Variants in EVI5 observed in about 807,000 individuals in gnomAD.
The protein encoded by EVI5 is ecotropic viral integration site 5 protein homolog.
A neutral mutation model predicts 112.0 loss-of-function variants in EVI5; 73 were observed. That is an observed-to-expected ratio of 0.65 (90% CI 0.54 to 0.79). The LOEUF (loss-of-function observed/expected upper bound fraction) is 0.79, where lower values mean the gene tolerates loss of function less well. Ranked by LOEUF, EVI5 falls within the 30% of genes least tolerant of loss-of-function variation. The pLI is 0.00. For synonymous variants in EVI5, 305 were observed against 319.9 expected (o/e 0.95, Z 0.50); for missense variants, 900 against 968.8 (o/e 0.93, Z 0.94).
intron 1 of EVI5, chr1:92,784,400 G>A: frequency 1.0e-6 from 1 of 985,330 alleles, no homozygotes; most frequent in Non-Finnish European, 1.2e-6. Flanking sequence ...GCAGAATCCC[G>A]GAGGCCAAGT....
chr1:92,777,909 CTTTT>C (rs11306355), intron 1 of EVI5, among the ~76,000 whole-genome samples: 10 of 110,334 alleles, frequency 9.1e-5, no homozygotes, highest in Admixed American at 1.9e-4. Context: ...ATGCCAAAAT[CTTTT>C]TTTTTTTTTT....
intron 8 of EVI5, 26 bp from the exon 9 acceptor site, chr1:92,693,925 TAAG>T (rs1490286534): frequency 7.7e-7 from 1 of 1,298,886 alleles, no homozygotes; most frequent in Non-Finnish European, 1.1e-6. Context: ...AAAAAAAACA[TAAG>T]AATGACTTAG....
chr1:92,573,144 A>G (rs1389233209), intron 18 of EVI5, among the ~76,000 whole-genome samples: 1 of 152,104 alleles, frequency 6.6e-6, no homozygotes. Context: ...TATTTAAAAC[A>G]GTGATCCCCA....
At chr1:92,640,510 A>G (rs546223129) in intron 13 of EVI5, among the ~76,000 whole-genome samples, 2 of 152,286 alleles carry the variant, frequency 1.3e-5, no homozygotes, top group Admixed American at 6.5e-5. Flanking sequence ...AAAAAGCTCA[A>G]CATCACTGAT....
At chr1:92,702,884 C>T (rs1181566272) in intron 4 of EVI5, among the ~76,000 whole-genome samples, 2 of 151,056 alleles carry the variant, frequency 1.3e-5, no homozygotes, top group Non-Finnish European at 2.9e-5. Flanking sequence ...AAAGGATTGG[C>T]GAAATTGAAA....
At chr1:92,722,272 TCTAA>T (rs1447007062) in intron 2 of EVI5, among the ~76,000 whole-genome samples, 9 of 152,162 alleles carry the variant, frequency 5.9e-5, no homozygotes, top group South Asian at 4.1e-4. Context: ...ATTCCTCTTA[TCTAA>T]CTGATATTTC....
intron 19 of EVI5, among the ~76,000 whole-genome samples, chr1:92,559,016 G>A (rs950598788): frequency 6.6e-6 from 1 of 152,184 alleles, no homozygotes; most frequent in East Asian, 1.9e-4. Flanking sequence ...GATGTCCCAA[G>A]GATACTAAAA....
Position 92,532,895 on chromosome 1 carries a change from C to T in EVI5, c.2167-18925G>A, listed in dbSNP as rs1663118378. Among the ~76,000 whole-genome samples, 2 of 151,136 alleles carry T rather than the reference C, an allele frequency of 1.3e-5. 1 individual carries two copies. Among genetic ancestry groups the T allele is most frequent in the South Asian group, 4.2e-4 (2 of 4,780 alleles). Reference sequence around the variant, plus strand: ...AAAGAACTAGAGAAGCAGGAGCAAACAAATTCAAAAGCTAGCAGAAGGCAA... The same window carrying T: ...AAAGAACTAGAGAAGCAGGAGCAAATAAATTCAAAAGCTAGCAGAAGGCAA... On this transcript the variant is annotated intron_variant, in intron 19 of 19. Coordinates refer to ENST00000684568, the MANE Select transcript of EVI5 (RefSeq NM_001350197.2).
intron 14 of EVI5, among the ~76,000 whole-genome samples, chr1:92,628,060 T>C (rs958374774): frequency 1.4e-4 from 22 of 152,210 alleles, no homozygotes; most frequent in African/African-American, 5.1e-4. Context: ...AGGGCTGGGA[T>C]TACAGGCGTG....
At chr1:92,540,987 T>A (rs182468941) in intron 19 of EVI5, among the ~76,000 whole-genome samples, 1 of 152,242 alleles carries the variant, frequency 6.6e-6, no homozygotes, top group Admixed American at 6.5e-5. Flanking sequence ...GGCAGGAGAA[T>A]TGCTTGGCCC....
intron 4 of EVI5, 49 bp downstream of exon 4, chr1:92,703,346 A>G: frequency 8.9e-7 from 1 of 1,118,818 alleles, no homozygotes; most frequent in Non-Finnish European, 1.3e-6. Flanking sequence ...TATAATTTCA[A>G]CCTTCCAGGA....
At chr1:92,762,381 T>A (rs1450014502) in intron 1 of EVI5, among the ~76,000 whole-genome samples, 1 of 152,208 alleles carries the variant, frequency 6.6e-6, no homozygotes, top group Non-Finnish European at 1.5e-5. Context: ...CATTATCTTA[T>A]TTAATCTTCA....
intron 2 of EVI5, among the ~76,000 whole-genome samples, chr1:92,726,475 T>A (rs980989201): frequency 3.3e-5 from 5 of 152,214 alleles, no homozygotes; most frequent in African/African-American, 1.2e-4. Context: ...GAAATATATG[T>A]AAAAATCAAA....
At chr1:92,633,371 A>G (rs1206584514) in intron 14 of EVI5, among the ~76,000 whole-genome samples, 1 of 152,208 alleles carries the variant, frequency 6.6e-6, no homozygotes, top group Non-Finnish European at 1.5e-5. Context: ...TTAGGTGCAC[A>G]TATATTTAGG....
At chr1:92,531,639 T>A (rs888047265) in intron 19 of EVI5, among the ~76,000 whole-genome samples, 3 of 152,208 alleles carry the variant, frequency 2.0e-5, no homozygotes, top group African/African-American at 7.2e-5. Context: ...ATATTCAACA[T>A]TCTTAAAGAA....
chr1:92,602,668 A>C (rs549437473), intron 18 of EVI5, among the ~76,000 whole-genome samples: 1 of 152,304 alleles, frequency 6.6e-6, no homozygotes, highest in South Asian at 2.1e-4. Flanking sequence ...TGGCCTCTCA[A>C]AGCACTGGGA....
intron 5 of EVI5, chr1:92,701,050 T>G (rs1350783597): frequency 6.6e-6 from 1 of 152,216 alleles, no homozygotes; most frequent in African/African-American, 2.4e-5. Context: ...GAGCACTTCT[T>G]ATGTGTTCTT....
intron 12 of EVI5, 75 bp downstream of exon 12, chr1:92,663,344 GA>G (rs1664342447): frequency 1.5e-6 from 1 of 667,066 alleles, no homozygotes; most frequent in East Asian, 3.0e-5. Flanking sequence ...ATTAAAATAT[GA>G]ATTTCGAGGT....
chr1:92,681,747 C>T lies in EVI5; in HGVS notation c.1098-4529G>A, dbSNP rs116780084. 5.6e-3 allele frequency among the ~76,000 whole-genome samples: 855 copies of T among 152,284 alleles called. 15 individuals are homozygous for T. The highest frequency in any genetic ancestry group is 0.024 in the Middle Eastern group (7 of 294). ...TGACAATGACGAAAACGTGCTAGAT[C>T]TGTATTGTCCAATAGAGTAGCCATT... On this transcript the variant is annotated intron_variant, in intron 9 of 19. Transcript: ENST00000684568.
Sources: allele counts gnomAD v4.1 joint callset (sites outside exome capture counted in the v4.1 genomes callset), GRCh38; gene constraint gnomAD v4.1.1; transcripts MANE v1.5; gene names NCBI Gene and HGNC (gene_info 2026-07-23, HGNC 2026-07-21).